Variants in UPP1 observed in about 807,000 individuals in gnomAD.
UPP1 encodes the protein uridine phosphorylase 1, also known as UPase 1.
Under a neutral mutation model 29.6 loss-of-function variants are expected in UPP1, and 25 were observed. That is an observed-to-expected ratio of 0.85 (90% CI 0.62 to 1.18). UPP1 has a LOEUF of 1.18. UPP1 is among the 50% of genes most tolerant of loss of function. UPP1 has a pLI of 0.00. For missense variants in UPP1, 368 were observed against 410.4 expected (o/e 0.90, Z 0.89); for synonymous variants, 165 against 159.8 (o/e 1.03, Z -0.25).
chr7:48,104,010 G>A (rs1792587363), intron 6 of UPP1: 1 of 830,128 alleles, frequency 1.2e-6, no homozygotes, highest in Admixed American at 3.5e-5. Flanking sequence ...ACAAGATCGG[G>A]AGATCGAGAC....
intron 6 of UPP1, chr7:48,106,477 A>G (rs1230863231): frequency 5.1e-6 from 1 of 197,832 alleles, no homozygotes; most frequent in Non-Finnish European, 1.1e-5. Context: ...TGCCTGGCTA[A>G]TTTTTGTATT....
At chr7:48,101,636 C>G (rs1277870682) in intron 4 of UPP1, among the ~76,000 whole-genome samples, 188 bp from the exon 5 acceptor site, 2 of 152,136 alleles carry the variant, frequency 1.3e-5, no homozygotes, top group African/African-American at 4.8e-5. Context: ...CCACCCTGAC[C>G]ACTCACCAGG....
intron 4 of UPP1, among the ~76,000 whole-genome samples, 156 bp downstream of exon 4, chr7:48,099,943 A>G (rs535866404): frequency 6.6e-6 from 1 of 152,372 alleles, no homozygotes; most frequent in African/African-American, 2.4e-5. Flanking sequence ...TTTAACTTTC[A>G]AGTATGTGAA....
rs189458303 is a variant in UPP1 at position 48,094,907 on chromosome 7, T to C, written c.44+80T>C. ...GCATATGTTGTGCCACACATTTTTC[T>C]AAGGACTTGACATATATTAACACAT... On this transcript the variant is annotated intron_variant, in intron 3 of 8. Transcript: ENST00000395564. The C allele has an allele frequency of 2.0e-3, 2,994 of 1,503,536 alleles. 5 individuals are homozygous for C. Among genetic ancestry groups the C allele is most frequent in the Non-Finnish European group, 2.5e-3 (2,729 of 1,094,428 alleles). The allele number at this position is 1,503,536 out of a possible 1,614,324, so 93.1% of individuals were successfully genotyped here.
At chr7:48,093,584 C>G (rs1185341107) in intron 2 of UPP1, among the ~76,000 whole-genome samples, 1 of 152,212 alleles carries the variant, frequency 6.6e-6, no homozygotes, top group East Asian at 1.9e-4. Context: ...GAGTCTCACC[C>G]TCCTTCAAAG....
At chr7:48,098,962 T>A (rs1048159166) in intron 3 of UPP1, among the ~76,000 whole-genome samples, 1 of 152,192 alleles carries the variant, frequency 6.6e-6, no homozygotes, top group African/African-American at 2.4e-5. Context: ...TTGTGTGCTA[T>A]CTGTAGTTGC....
rs1315805886 is a variant in UPP1, at chr7:48,094,813, A to G, written c.30A>G (p.Lys10=). The G allele has an allele frequency of 1.9e-6, 3 of 1,613,506 alleles. No homozygotes were observed. The highest frequency in any genetic ancestry group is 2.7e-5 in the African/African-American group (2 of 74,876). The part of the protein sequence containing the change: MAATGANAE[K]AESHNDCPVR... ...CGGCCACGGGAGCCAATGCAGAGAA[A>G]GCTGAAAGTCACAAGTAAGGCTCCA... Residue 10 remains lysine (K), a synonymous_variant, in exon 3 of 9, where the codon AAA becomes AAG. Coordinates refer to ENST00000395564, the MANE Select transcript of UPP1 (RefSeq NM_003364.4).
At chr7:48,098,683 G>A (rs1469400893) in intron 3 of UPP1, among the ~76,000 whole-genome samples, 2 of 152,184 alleles carry the variant, frequency 1.3e-5, no homozygotes, top group African/African-American at 2.4e-5. Context: ...GAATGAGGAG[G>A]AGACATGACC....
At chr7:48,098,937 G>A (rs974954117) in intron 3 of UPP1, among the ~76,000 whole-genome samples, 4 of 152,184 alleles carry the variant, frequency 2.6e-5, no homozygotes, top group Admixed American at 6.5e-5. Flanking sequence ...TTGGAACACA[G>A]ACACACTCAC....
At position 48,108,182 on chromosome 7, in the gene UPP1, G is replaced by A. The variant is rs776634888; in HGVS notation, c.794-36G>A. On this transcript the variant is annotated intron_variant, in intron 8 of 8. Transcript: ENST00000395564. ...CGTCCCTGTGAAATGTTAGACCCCCGGCACCTTGCCTTGATGTGGTCTTTG... is the reference window on the plus strand; with the variant it reads ...CGTCCCTGTGAAATGTTAGACCCCCAGCACCTTGCCTTGATGTGGTCTTTG... 53 of 1,592,772 alleles carry A rather than the reference G, an allele frequency of 3.3e-5. No individual in the cohort carries two copies. The South Asian group carries it at 4.9e-4, about 15-fold the overall frequency.
chr7:48,099,234 G>A (rs1792286648), intron 3 of UPP1, among the ~76,000 whole-genome samples: 1 of 152,130 alleles, frequency 6.6e-6, no homozygotes, highest in African/African-American at 2.4e-5. Context: ...GTTATCTCTG[G>A]GAGGTAGGAT....
Position 48,106,627 on chromosome 7 carries a change from TG to T in UPP1, c.437-245del, listed in dbSNP as rs1484155920. On this transcript the variant is annotated intron_variant, in intron 6 of 8. Coordinates refer to ENST00000395564, the MANE Select transcript of UPP1 (RefSeq NM_003364.4). ...GCACCCAGCCCTCTACTTTGTTTTT[TG>T]TGCCTTTCTCTTCCATAGTGTCCAT... 8.7e-6 allele frequency: 4 copies of T among 457,770 alleles called. No homozygotes were observed. In the East Asian group the frequency reaches 1.7e-4, roughly 20 times the overall value. The allele number at this position is 457,770 out of a possible 1,614,324, so 28.4% of individuals were successfully genotyped here.
At chr7:48,102,660 C>T (rs868680139) in intron 5 of UPP1, among the ~76,000 whole-genome samples, 5 of 152,180 alleles carry the variant, frequency 3.3e-5, no homozygotes, top group Admixed American at 1.3e-4. Context: ...CCGATTCTAG[C>T]AGGGATGCCT....
At chr7:48,090,979 TTTG>T (rs1291020148) in intron 2 of UPP1, among the ~76,000 whole-genome samples, 1 of 152,220 alleles carries the variant, frequency 6.6e-6, no homozygotes, top group Non-Finnish European at 1.5e-5. Flanking sequence ...AAAGTGGAAT[TTTG>T]TTGACTTTAC....
chr7:48,096,434 T>A (rs1024302253), intron 3 of UPP1, among the ~76,000 whole-genome samples: 15 of 152,218 alleles, frequency 9.9e-5, no homozygotes, highest in African/African-American at 3.6e-4. Flanking sequence ...TGAGTGGAAC[T>A]GGATCTTACT....
Position 48,107,019 on chromosome 7 carries a change from G to T in UPP1, c.583G>T (p.Ala195Ser). 1 of 1,612,668 alleles carries T rather than the reference G, an allele frequency of 6.2e-7. No individual in the cohort carries two copies. The highest frequency in any genetic ancestry group is 8.5e-7 in the Non-Finnish European group (1 of 1,179,926). ...GGTGCAGGAGCTGTTGCTGTGTTCT[G>T]CAGAGCTGAGCGAGTTCACCACAGT... is the stretch of plus-strand genomic sequence containing the variant. ...KLVQELLLCS[A>S]ELSEFTTVVG... Residue 195 changes from alanine to serine, a missense_variant, in exon 7 of 9, where the codon GCA becomes TCA. Coordinates refer to ENST00000395564, the MANE Select transcript of UPP1 (RefSeq NM_003364.4).
intron 3 of UPP1, among the ~76,000 whole-genome samples, chr7:48,097,013 T>C (rs1792162166): frequency 6.6e-6 from 1 of 152,232 alleles, no homozygotes; most frequent in African/African-American, 2.4e-5. Context: ...TTTCATTTCA[T>C]TTCATATATT....
chr7:48,095,656 T>C (rs1321572714), intron 3 of UPP1, among the ~76,000 whole-genome samples: 5 of 152,116 alleles, frequency 3.3e-5, no homozygotes, highest in Non-Finnish European at 7.4e-5. Flanking sequence ...TGATTTTTTT[T>C]TTTTGAGATG....
At position 48,103,470 on chromosome 7, in the gene UPP1, A is replaced by G. The variant is rs565443423; in HGVS notation, c.436+59A>G. ...ATGGATGAGGGACTGGGGCATGCCA[A>G]GGCAGCTTCTACATGGTGTGGCATT... On this transcript the variant is annotated intron_variant, in intron 6 of 8. Coordinates refer to ENST00000395564, the MANE Select transcript of UPP1 (RefSeq NM_003364.4). The G allele has an allele frequency of 3.6e-4, 518 of 1,432,430 alleles. 2 individuals carry two copies. The highest frequency in any genetic ancestry group is 1.1e-4 in the Non-Finnish European group (115 of 1,015,790). 88.7% of individuals were successfully genotyped at this position (1,432,430 alleles called of 1,614,324 possible). A position where few individuals can be genotyped will look rare whatever the true frequency, so the allele number is the denominator to read the frequency against.
Sources: allele counts gnomAD v4.1 joint callset (sites outside exome capture counted in the v4.1 genomes callset), GRCh38; gene constraint gnomAD v4.1.1; transcripts MANE v1.5; gene names NCBI Gene and HGNC (gene_info 2026-07-23, HGNC 2026-07-21).